The following RAB3B variants were observed in gnomAD, a reference collection of about 807,000 sequenced individuals.
RAB3B encodes the protein RAB3B, member RAS oncogene family.
A neutral mutation model predicts 20.5 loss-of-function variants in RAB3B; 11 were observed. The observed-to-expected ratio is 0.54, with a 90% confidence interval of 0.34 to 0.89. The LOEUF is 0.89. Ranked by LOEUF, RAB3B falls within the 40% of genes least tolerant of loss-of-function variation. RAB3B has a pLI of 0.02. For synonymous variants in RAB3B, 99 were observed against 106.3 expected (o/e 0.93, Z 0.42); for missense variants, 225 against 280.9 (o/e 0.80, Z 1.42).
Position 51,933,546 on chromosome 1 carries a change from G to T in RAB3B, c.348-104C>A, listed in dbSNP as rs573163582. 2.1e-5 allele frequency: 23 copies of T among 1,081,236 alleles called. No homozygotes were observed. The East Asian group carries it at 5.4e-4, about 25-fold the overall frequency. 67.0% of individuals were successfully genotyped at this position (1,081,236 alleles called of 1,614,324 possible). On this transcript the variant is annotated intron_variant, in intron 3 of 4. Transcript: ENST00000371655. ...GTTGAAGCCTAATCCCCAATGTAAT[G>T]GTATTTGGAGGTGGAGTCTTCGGGA...
intron 3 of RAB3B, among the ~76,000 whole-genome samples, chr1:51,935,908 A>C (rs1225069957): frequency 6.6e-6 from 1 of 152,158 alleles, no homozygotes; most frequent in Non-Finnish European, 1.5e-5. Flanking sequence ...GCAGAAAAGG[A>C]GAACACAGAC....
rs79002194 is a variant in RAB3B at position 51,930,574 on chromosome 1, C to T, written c.472+2744G>A. 7.3e-3 allele frequency among the ~76,000 whole-genome samples: 1,104 copies of T among 152,242 alleles called. 13 individuals are homozygous for T. The highest frequency in any genetic ancestry group is 0.026 in the African/African-American group (1,062 of 41,522). ...TCTCATCTGTTAAAAAAAACACACA[C>T]ACACAAAATGTGGAGATAAGGAAAG... On this transcript the variant is annotated intron_variant, in intron 4 of 4. Transcript: ENST00000371655.
intron 4 of RAB3B, among the ~76,000 whole-genome samples, chr1:51,932,492 A>T (rs533724364): frequency 6.6e-6 from 1 of 152,312 alleles, no homozygotes; most frequent in South Asian, 2.1e-4. Flanking sequence ...ATGCCTGGGC[A>T]CCTAGGCCTC....
Position 51,929,387 on chromosome 1 carries a change from G to A in RAB3B, c.472+3931C>T, listed in dbSNP as rs111267576. Among the ~76,000 whole-genome samples the A allele has an allele frequency of 1.1e-3, 168 of 152,064 alleles. 2 individuals carry two copies. The highest frequency in any genetic ancestry group is 4.0e-3 in the African/African-American group (168 of 41,524). On this transcript the variant is annotated intron_variant, in intron 4 of 4. Coordinates refer to ENST00000371655, the MANE Select transcript of RAB3B (RefSeq NM_002867.4). ...CTGTCACCCAGGCTGGAGTGCAGTG[G>A]GGCAATCTCAGCTCACTGTAACCTC... is the stretch of plus-strand genomic sequence containing the variant.
In RAB3B at chr1:51,920,054, C is replaced by T. The variant is rs755977412; in HGVS notation, c.533G>A (p.Arg178His). Residue 178 changes from arginine to histidine, a missense_variant, in exon 5 of 5, where the codon CGC becomes CAC. By Grantham distance (29) the Arg-to-His change is conservative. Coordinates refer to ENST00000371655, the MANE Select transcript of RAB3B (RefSeq NM_002867.4). ...CTTGTCACAAATGGCATCCACCAGGCGCTCAAAGGCCTGCCTTACACTGAT... is the reference window on the plus strand; with the variant it reads ...CTTGTCACAAATGGCATCCACCAGGTGCTCAAAGGCCTGCCTTACACTGAT... ...ENISVRQAFE[R>H]LVDAICDKMS... 40 of 1,613,998 alleles carry T rather than the reference C, an allele frequency of 2.5e-5. No homozygotes were observed. Among genetic ancestry groups the T allele is most frequent in the Non-Finnish European group, 3.1e-5 (37 of 1,179,988 alleles).
chr1:51,933,158 C>A (rs113604180), intron 4 of RAB3B, among the ~76,000 whole-genome samples, 160 bp downstream of exon 4: 1,668 of 152,056 alleles, frequency 0.011, 39 homozygotes, highest in South Asian at 0.094. Flanking sequence ...CCATATGTAC[C>A]TCATACAAAT....
intron 2 of RAB3B, among the ~76,000 whole-genome samples, chr1:51,958,327 G>A (rs1684737427): frequency 6.6e-6 from 1 of 152,154 alleles, no homozygotes; most frequent in Non-Finnish European, 1.5e-5. Flanking sequence ...TGTATAATGA[G>A]GATGACAAGA....
At chr1:51,980,550 T>C (rs1239817020) in intron 1 of RAB3B, 3 of 748,210 alleles carry the variant, frequency 4.0e-6, no homozygotes, top group Non-Finnish European at 4.9e-6. Context: ...GGATGAACTG[T>C]GCCCAATGTG....
intron 2 of RAB3B, among the ~76,000 whole-genome samples, chr1:51,942,956 C>A (rs1684514386): frequency 6.6e-6 from 1 of 152,124 alleles, no homozygotes; most frequent in South Asian, 2.1e-4. Flanking sequence ...ATGAACCACA[C>A]CCATATTAAG....
intron 2 of RAB3B, among the ~76,000 whole-genome samples, chr1:51,958,633 G>A (rs1389251422): frequency 6.6e-6 from 1 of 151,828 alleles, no homozygotes; most frequent in Non-Finnish European, 1.5e-5. Context: ...TGAGGCAGGA[G>A]AATCACTTGA....
chr1:51,935,763 G>A (rs1404795093), intron 3 of RAB3B, among the ~76,000 whole-genome samples: 1 of 152,030 alleles, frequency 6.6e-6, no homozygotes, highest in Admixed American at 6.6e-5. Flanking sequence ...AGGAAGGGAG[G>A]AAAATGATGA....
At chr1:51,985,261 AT>A (rs1430637430) in intron 1 of RAB3B, among the ~76,000 whole-genome samples, 1 of 151,978 alleles carries the variant, frequency 6.6e-6, no homozygotes, top group Non-Finnish European at 1.5e-5. Context: ...TGGCTCCATT[AT>A]TTGGGCCTGT....
intron 3 of RAB3B, among the ~76,000 whole-genome samples, chr1:51,936,853 GC>G (rs1461427030): frequency 6.7e-6 from 1 of 149,752 alleles, no homozygotes; most frequent in Non-Finnish European, 1.5e-5. Flanking sequence ...TCACTCTGTT[GC>G]CCAGGCTGGA....
At chr1:51,945,403 T>C (rs1684550770) in intron 2 of RAB3B, among the ~76,000 whole-genome samples, 1 of 152,196 alleles carries the variant, frequency 6.6e-6, no homozygotes, top group Non-Finnish European at 1.5e-5. Flanking sequence ...TTTAATAGAC[T>C]ACTACAGTAT....
At chr1:51,988,397 T>G (rs1478328566) in intron 1 of RAB3B, among the ~76,000 whole-genome samples, 1 of 152,224 alleles carries the variant, frequency 6.6e-6, no homozygotes, top group Non-Finnish European at 1.5e-5. Context: ...ACCTACTAAA[T>G]GTCTAGCATT....
chr1:51,917,437 A>G lies in RAB3B; in HGVS notation c.*2490T>C, dbSNP rs951621788. ...TGGAAAGTAACTGGCCCAGAGTCAC[A>G]GTTGATTTAATGACAGAGTCCGGGT... On this transcript the variant is annotated 3_prime_UTR_variant, in exon 5 of 5. Coordinates refer to ENST00000371655, the MANE Select transcript of RAB3B (RefSeq NM_002867.4). The G allele has an allele frequency of 2.0e-5, 3 of 152,320 alleles. No homozygotes were observed. The highest frequency in any genetic ancestry group is 2.1e-4 in the South Asian group (1 of 4,822). 9.4% of individuals were successfully genotyped at this position (152,320 alleles called of 1,614,324 possible). A position where few individuals can be genotyped will look rare whatever the true frequency, so the allele number is the denominator to read the frequency against.
intron 2 of RAB3B, among the ~76,000 whole-genome samples, chr1:51,940,904 C>T (rs1684484156): frequency 6.6e-6 from 1 of 151,912 alleles, no homozygotes; most frequent in Admixed American, 6.6e-5. Flanking sequence ...GTATGTGAGT[C>T]ATGTATTGGC....
chr1:51,986,323 TG>T (rs1421699045), intron 1 of RAB3B, among the ~76,000 whole-genome samples: 1 of 152,042 alleles, frequency 6.6e-6, no homozygotes, highest in African/African-American at 2.4e-5. Context: ...GCTAATTTTT[TG>T]TATTTTTACT....
At chr1:51,943,013 C>T (rs1684515111) in intron 2 of RAB3B, among the ~76,000 whole-genome samples, 2 of 152,144 alleles carry the variant, frequency 1.3e-5, no homozygotes, top group South Asian at 4.1e-4. Flanking sequence ...CACCAACCAG[C>T]CATTCCCCCA....
Sources: allele counts gnomAD v4.1 joint callset (sites outside exome capture counted in the v4.1 genomes callset), GRCh38; gene constraint gnomAD v4.1.1; transcripts MANE v1.5; gene names NCBI Gene and HGNC (gene_info 2026-07-23, HGNC 2026-07-21).